The following SPOCK3 variants were observed in gnomAD, a reference collection of about 807,000 sequenced individuals.
SPOCK3 encodes SPARC (osteonectin), cwcv and kazal like domains proteoglycan 3.
In SPOCK3, 30 loss-of-function variants were observed where a neutral mutation model predicts 56.6. The ratio of observed to expected loss-of-function variants is 0.53; its 90% CI spans 0.40 to 0.72. The LOEUF is 0.72. Ranked by LOEUF, SPOCK3 falls within the 30% of genes least tolerant of loss-of-function variation. The pLI is 0.00. For synonymous variants in SPOCK3, 196 were observed against 183.3 expected, an observed-to-expected ratio of 1.07 and a Z score of -0.56; for missense variants, 527 against 530.0, an observed-to-expected ratio of 0.99 and a Z score of 0.06.
chr4:166,823,008 A>C (rs1028870587), intron 6 of SPOCK3, among the ~76,000 whole-genome samples: 1 of 152,070 alleles, frequency 6.6e-6, no homozygotes, highest in African/African-American at 2.4e-5. Flanking sequence ...AGGAAGCCAT[A>C]TGCATATGTG....
intron 2 of SPOCK3, among the ~76,000 whole-genome samples, chr4:167,162,290 C>T (rs1357956892): frequency 1.3e-5 from 2 of 152,012 alleles, no homozygotes; most frequent in South Asian, 2.1e-4. Flanking sequence ...GGTTAATCTG[C>T]CTTTGTTATA....
chr4:167,036,857 C>A (rs566473981), intron 3 of SPOCK3, among the ~76,000 whole-genome samples: 3 of 151,242 alleles, frequency 2.0e-5, no homozygotes, highest in African/African-American at 7.3e-5. Context: ...ATATCAACAA[C>A]AAAAAAAATA....
At chr4:166,860,817 G>GTATATATATATATATATATGTATA (rs1307737257) in intron 6 of SPOCK3, among the ~76,000 whole-genome samples, 1 of 31,166 alleles carries the variant, frequency 3.2e-5, no homozygotes, top group Non-Finnish European at 6.8e-5. Flanking sequence ...ATATATATAT[G>GTATATATATATATATATATGTATA]TATATATATA....
intron 7 of SPOCK3, among the ~76,000 whole-genome samples, chr4:166,786,134 A>G (rs971477954): frequency 6.6e-6 from 1 of 152,136 alleles, no homozygotes; most frequent in Non-Finnish European, 1.5e-5. Context: ...GGTGGAAGGG[A>G]AGGCACCTAG....
At chr4:166,949,539 C>A (rs557343034) in intron 4 of SPOCK3, among the ~76,000 whole-genome samples, 1 of 152,060 alleles carries the variant, frequency 6.6e-6, no homozygotes, top group African/African-American at 2.4e-5. Flanking sequence ...CCTTTCTGTT[C>A]GTTAGTTTTC....
chr4:166,850,096 T>A (rs956673898), intron 6 of SPOCK3, among the ~76,000 whole-genome samples: 1 of 152,232 alleles, frequency 6.6e-6, no homozygotes, highest in Non-Finnish European at 1.5e-5. Context: ...CAGGGGTATA[T>A]CCCAGAAGTG....
At chr4:166,971,985 G>A (rs1484378136) in intron 4 of SPOCK3, among the ~76,000 whole-genome samples, 1 of 152,088 alleles carries the variant, frequency 6.6e-6, no homozygotes, top group Non-Finnish European at 1.5e-5. Flanking sequence ...CTCATGAGAT[G>A]GTATGAGAGA....
chr4:167,030,127 A>ATCTATCTATC (rs1176450066), intron 3 of SPOCK3, among the ~76,000 whole-genome samples: 1 of 147,768 alleles, frequency 6.8e-6, no homozygotes, highest in East Asian at 2.0e-4. Flanking sequence ...CTATCTATCT[A>ATCTATCTATC]TCTTTCCATC....
At chr4:167,094,785 G>T (rs1444795277) in intron 2 of SPOCK3, among the ~76,000 whole-genome samples, 1 of 152,036 alleles carries the variant, frequency 6.6e-6, no homozygotes, top group Non-Finnish European at 1.5e-5. Context: ...ACAAGACATT[G>T]TCATAGAATA....
At chr4:167,186,789 C>T (rs1732009318) in intron 2 of SPOCK3, among the ~76,000 whole-genome samples, 1 of 151,630 alleles carries the variant, frequency 6.6e-6, no homozygotes, top group Admixed American at 6.6e-5. Context: ...CCAGACTGGC[C>T]AACATGGTGA....
intron 6 of SPOCK3, among the ~76,000 whole-genome samples, chr4:166,829,796 T>C (rs1162505508): frequency 1.3e-5 from 2 of 152,078 alleles, no homozygotes; most frequent in Non-Finnish European, 2.9e-5. Context: ...CCACTTACTG[T>C]TTTACACCAG....
Position 167,217,451 on chromosome 4 carries a change from T to C in SPOCK3, c.189+16534A>G, listed in dbSNP as rs13127614. On this transcript the variant is annotated intron_variant, in intron 2 of 10. Coordinates refer to ENST00000357545, the MANE Select transcript of SPOCK3 (RefSeq NM_001040159.2). ...ATTGTATAAGGTATTATAAGTACTC[T>C]AGAGGTAATTTAAAGTGTATTGGAG... 3.3e-5 allele frequency among the ~76,000 whole-genome samples: 5 copies of C among 152,130 alleles called. No individual in the cohort carries two copies. In the South Asian group the frequency reaches 8.3e-4, roughly 25 times the overall value.
At chr4:166,830,749 GA>G (rs1033776539) in intron 6 of SPOCK3, among the ~76,000 whole-genome samples, 2 of 151,672 alleles carry the variant, frequency 1.3e-5, no homozygotes, top group African/African-American at 4.8e-5. Flanking sequence ...CGCCCCGCTC[GA>G]AAAAAAGATC....
At chr4:166,859,879 A>C (rs1731063856) in intron 6 of SPOCK3, among the ~76,000 whole-genome samples, 1 of 152,130 alleles carries the variant, frequency 6.6e-6, no homozygotes, top group Non-Finnish European at 1.5e-5. Flanking sequence ...CAACAGCAGA[A>C]GTATCCTATA....
chr4:166,835,256 C>T (rs1465114845), intron 6 of SPOCK3, among the ~76,000 whole-genome samples: 3 of 152,102 alleles, frequency 2.0e-5, no homozygotes, highest in Admixed American at 2.0e-4. Flanking sequence ...ATTTAAACAT[C>T]TATTAAATAT....
chr4:166,976,062 T>C (rs565029936), intron 4 of SPOCK3, among the ~76,000 whole-genome samples: 19 of 151,904 alleles, frequency 1.3e-4, no homozygotes, highest in Non-Finnish European at 2.2e-4. Flanking sequence ...GATCTTAATA[T>C]GCCCTGAAGT....
At chr4:166,781,293 A>T (rs1740137594) in intron 7 of SPOCK3, among the ~76,000 whole-genome samples, 1 of 152,188 alleles carries the variant, frequency 6.6e-6, no homozygotes, top group African/African-American at 2.4e-5. Flanking sequence ...ACAATGATTA[A>T]TAAGTTAAAG....
At chr4:166,865,239 T>C (rs1477274937) in intron 6 of SPOCK3, among the ~76,000 whole-genome samples, 4 of 152,184 alleles carry the variant, frequency 2.6e-5, no homozygotes, top group African/African-American at 7.2e-5. Context: ...CATTCTTTCA[T>C]GCTAAAAACT....
chr4:167,005,915 T>C (rs867202903), intron 3 of SPOCK3, among the ~76,000 whole-genome samples: 2 of 152,216 alleles, frequency 1.3e-5, no homozygotes, highest in Non-Finnish European at 2.9e-5. Context: ...GGTGGTATGC[T>C]GCAGAATTAT....
Sources: allele counts gnomAD v4.1 joint callset (sites outside exome capture counted in the v4.1 genomes callset), GRCh38; gene constraint gnomAD v4.1.1; transcripts MANE v1.5; gene names NCBI Gene and HGNC (gene_info 2026-07-23, HGNC 2026-07-21).